Variants in PKP1 observed in about 807,000 individuals in gnomAD.
PKP1 encodes plakophilin-1.
A neutral mutation model predicts 76.4 loss-of-function variants in PKP1; 27 were observed. That is an observed-to-expected ratio of 0.35 (90% CI 0.26 to 0.49). PKP1 has a LOEUF of 0.49. PKP1 is among the 20% of genes least tolerant of loss of function. The pLI, the probability that PKP1 is intolerant of heterozygous loss-of-function variation, is 0.99. For synonymous variants in PKP1, 404 were observed against 384.2 expected (o/e 1.05, Z -0.60); for missense variants, 964 against 955.2 (o/e 1.01, Z -0.12).
intron 1 of PKP1, among the ~76,000 whole-genome samples, chr1:201,286,033 T>G (rs1034010797): frequency 1.3e-5 from 2 of 152,238 alleles, no homozygotes; most frequent in African/African-American, 4.8e-5. Context: ...CTGGTGTTTC[T>G]GGTTTATCTG....
At chr1:201,285,373 C>T (rs895710008) in intron 1 of PKP1, among the ~76,000 whole-genome samples, 7 of 151,990 alleles carry the variant, frequency 4.6e-5, no homozygotes, top group African/African-American at 1.7e-4. Flanking sequence ...CGGCAGAGGA[C>T]TTCCTGGGCC....
intron 3 of PKP1, 151 bp downstream of exon 3, chr1:201,313,711 C>A: frequency 1.2e-6 from 1 of 836,494 alleles, no homozygotes; most frequent in Non-Finnish European, 1.8e-6. Flanking sequence ...GTAATGGACT[C>A]CCTAATGGGG....
intron 9 of PKP1, 110 bp downstream of exon 9, chr1:201,323,299 A>G (rs1009694529): frequency 5.9e-6 from 6 of 1,018,724 alleles, no homozygotes; most frequent in African/African-American, 4.7e-5. Flanking sequence ...GGAGCCTCCC[A>G]TGAGCAGAGT....
chr1:201,303,693 T>C (rs1656296118), intron 2 of PKP1, among the ~76,000 whole-genome samples: 2 of 152,222 alleles, frequency 1.3e-5, no homozygotes, highest in African/African-American at 4.8e-5. Context: ...CCAGCTAGAC[T>C]TTCTCCCTGT....
chr1:201,294,909 A>G (rs1656029718), intron 2 of PKP1, among the ~76,000 whole-genome samples: 1 of 152,230 alleles, frequency 6.6e-6, no homozygotes, highest in Non-Finnish European at 1.5e-5. Context: ...GCTGCTCTAA[A>G]GTCAGGAGTA....
Position 201,322,028 on chromosome 1 carries a change from C to A in PKP1, c.1398C>A (p.Asp466Glu). Residue 466 changes from aspartate (D) to glutamate (E), a missense_variant, in exon 8 of 14, where the codon GAC (aspartate) becomes GAA (glutamate). Transcript: ENST00000367324. ...TGCACAACCTCTCCTACCGCCTGGA[C>A]GCCGAGGTGCCCACCCGCTACCGCC... ...CVLHNLSYRL[D>E]AEVPTRYRQL... 6.2e-6 allele frequency: 10 copies of A among 1,614,046 alleles called. No individual in the cohort carries two copies. The highest frequency in any genetic ancestry group is 8.5e-6 in the Non-Finnish European group (10 of 1,180,014).
chr1:201,316,735 G>A lies in PKP1; in HGVS notation c.846+38G>A, dbSNP rs765607529. On this transcript the variant is annotated intron_variant, in intron 4 of 13. Coordinates refer to ENST00000367324, the MANE Select transcript of PKP1 (RefSeq NM_001005337.3). ...ATACCTTCCTCCTTGGTGGGCCTGCGGAGGGCCTGGGTGTGTCAGCCTGAC... is the reference window on the plus strand; with the variant it reads ...ATACCTTCCTCCTTGGTGGGCCTGCAGAGGGCCTGGGTGTGTCAGCCTGAC... The A allele has an allele frequency of 7.6e-5, 123 of 1,610,862 alleles. 1 individual carries two copies. Among genetic ancestry groups the A allele is most frequent in the Admixed American group, 2.8e-4 (17 of 59,928 alleles).
chr1:201,319,757 C>A, intron 6 of PKP1: 1 of 1,568,652 alleles, frequency 6.4e-7, no homozygotes, highest in South Asian at 1.1e-5. Flanking sequence ...GTGCCCAGCC[C>A]GGCCACCCCC....
chr1:201,318,680 C>T lies in PKP1; in HGVS notation c.1117C>T (p.Pro373Ser), dbSNP rs1328161469. Reference sequence around the variant, plus strand: ...GGAGGAACTCATTGCCGACGCCCTGCCTGTTCTGGCCGACCGCGTCATCAT... The same window carrying T: ...GGAGGAACTCATTGCCGACGCCCTGTCTGTTCTGGCCGACCGCGTCATCAT... ...LKEELIADAL[P>S]VLADRVIIPF... The change falls in exon 6 of 14, where the codon CCT becomes TCT. Residue 373 changes from proline (P) to serine (S), a missense_variant. By Grantham distance (74) the Pro-to-Ser change is moderately conservative (BLOSUM62 -1). Coordinates refer to ENST00000367324, the MANE Select transcript of PKP1 (RefSeq NM_001005337.3). The T allele has an allele frequency of 6.2e-7, 1 of 1,612,368 alleles. No homozygotes were observed. The highest frequency in any genetic ancestry group is 2.2e-5 in the East Asian group (1 of 44,890).
At chr1:201,287,803 G>C (rs771203420) in intron 1 of PKP1, among the ~76,000 whole-genome samples, 25 of 152,170 alleles carry the variant, frequency 1.6e-4, no homozygotes, top group Non-Finnish European at 3.1e-4. Context: ...AATTGTTCTA[G>C]GTTTAGAAAT....
chr1:201,317,679 C>T lies in PKP1; in HGVS notation c.954C>T (p.Ser318=). Reference sequence around the variant, plus strand: ...CCCTGCGCAACCTGGTGTTCAGGAGCACCACCAACAAGCTGGAGACCCGGA... The same window carrying T: ...CCCTGCGCAACCTGGTGTTCAGGAGTACCACCAACAAGCTGGAGACCCGGA... ...AGALRNLVFR[S]TTNKLETRRQ... Residue 318 remains serine, a synonymous_variant, in exon 5 of 14, where the codon AGC becomes AGT. Coordinates refer to ENST00000367324, the MANE Select transcript of PKP1 (RefSeq NM_001005337.3). The T allele has an allele frequency of 6.2e-7, 1 of 1,613,976 alleles. No individual in the cohort carries two copies. Among genetic ancestry groups the T allele is most frequent in the Non-Finnish European group, 8.5e-7 (1 of 1,179,968 alleles).
Position 201,323,030 on chromosome 1 carries a change from C to G in PKP1, c.1521C>G (p.Cys507Trp). Residue 507 changes from cysteine (C) to tryptophan (W), a missense_variant, in exon 9 of 14, where the codon TGC (cysteine) becomes TGG (tryptophan). Coordinates refer to ENST00000367324, the MANE Select transcript of PKP1 (RefSeq NM_001005337.3). Reference protein sequence around the residue: ...SDKMMNNNYDCPLPEEETNPK... With the variant: ...SDKMMNNNYDWPLPEEETNPK... ...ATCCTCAGAACAACAACTATGACTG[C>G]CCCCTGCCTGAGGAAGAGACCAACC... 1 of 1,614,014 alleles carries G rather than the reference C, an allele frequency of 6.2e-7. No homozygotes were observed. Among genetic ancestry groups the G allele is most frequent in the Non-Finnish European group, 8.5e-7 (1 of 1,179,944 alleles).
At chr1:201,305,330 C>T (rs1286650370) in intron 2 of PKP1, among the ~76,000 whole-genome samples, 4 of 152,156 alleles carry the variant, frequency 2.6e-5, no homozygotes, top group Admixed American at 2.0e-4. Context: ...CCAGCCTGGG[C>T]AACATAGGGG....
At chr1:201,309,948 C>T (rs1308810804) in intron 2 of PKP1, among the ~76,000 whole-genome samples, 2 of 152,210 alleles carry the variant, frequency 1.3e-5, no homozygotes, top group African/African-American at 2.4e-5. Context: ...TCGAAGTGCC[C>T]CATCTGGGCA....
chr1:201,323,328 G>C, intron 9 of PKP1, 139 bp downstream of exon 9: 1 of 796,010 alleles, frequency 1.3e-6, no homozygotes, highest in African/African-American at 1.7e-5. Flanking sequence ...CATATGCTGG[G>C]CTCTGGGCTG....
intron 1 of PKP1, among the ~76,000 whole-genome samples, chr1:201,287,762 G>A (rs922177633): frequency 2.6e-5 from 4 of 152,234 alleles, no homozygotes; most frequent in East Asian, 1.9e-4. Context: ...TTCCTCCCCC[G>A]ACCCCATACC....
chr1:201,293,974 A>T lies in PKP1; in HGVS notation c.235A>T (p.Asn79Tyr). Reference sequence around the variant, plus strand: ...GTATGATGGCTTGGCTGACAATTACAACTATGGGACCACCAGCAGGAGCAG... The same window carrying T: ...GTATGATGGCTTGGCTGACAATTACTACTATGGGACCACCAGCAGGAGCAG... The part of the protein sequence containing the change: ...SMYDGLADNY[N>Y]YGTTSRSSYY... The change falls in exon 2 of 14, where the codon AAC (asparagine) becomes TAC (tyrosine). Residue 79 changes from asparagine to tyrosine, a missense_variant. Physicochemically the swap from Asn to Tyr is moderately radical, Grantham distance 143. Transcript: ENST00000367324. 6.2e-7 allele frequency: 1 copy of T among 1,613,862 alleles called. No individual in the cohort carries two copies. Among genetic ancestry groups the T allele is most frequent in the Non-Finnish European group, 8.5e-7 (1 of 1,179,846 alleles).
At chr1:201,316,315 T>G (rs1365546709) in intron 3 of PKP1, 1 of 555,538 alleles carries the variant, frequency 1.8e-6, no homozygotes, top group South Asian at 2.3e-5. Flanking sequence ...GGACATTAAC[T>G]GTGACCAGGG....
At chr1:201,322,176 C>G in intron 8 of PKP1, 43 bp downstream of exon 8, 1 of 1,585,516 alleles carries the variant, frequency 6.3e-7, no homozygotes, top group South Asian at 1.1e-5. Flanking sequence ...CCATCAAGCA[C>G]CCCCCCAGGA....
Sources: allele counts gnomAD v4.1 joint callset (sites outside exome capture counted in the v4.1 genomes callset), GRCh38; gene constraint gnomAD v4.1.1; transcripts MANE v1.5; gene names NCBI Gene and HGNC (gene_info 2026-07-23, HGNC 2026-07-21).